The following CDK14 variants were observed in gnomAD, a reference collection of about 807,000 sequenced individuals.
CDK14 encodes cyclin dependent kinase 14.
Under a neutral mutation model 60.7 loss-of-function variants are expected in CDK14, and 34 were observed. That is an observed-to-expected ratio of 0.56 (90% CI 0.43 to 0.75). The LOEUF is 0.75. Among genes scored for constraint, CDK14 ranks in the 30% least tolerant of loss-of-function variants. The pLI, the probability that CDK14 is intolerant of heterozygous loss-of-function variation, is 0.00. For synonymous variants in CDK14, 197 were observed against 203.7 expected (o/e 0.97, Z 0.28); for missense variants, 482 against 564.1 (o/e 0.85, Z 1.47).
intron 14 of CDK14, among the ~76,000 whole-genome samples, chr7:91,170,037 T>C (rs1248204636): frequency 6.6e-6 from 1 of 152,246 alleles, no homozygotes; most frequent in Non-Finnish European, 1.5e-5. Context: ...GTCATTATCC[T>C]GTTGCCTGGT....
chr7:90,622,340 G>C (rs1477511244), intron 2 of CDK14, among the ~76,000 whole-genome samples: 1 of 152,196 alleles, frequency 6.6e-6, no homozygotes, highest in Non-Finnish European at 1.5e-5. Context: ...ATGACTGTCT[G>C]TGTGGTAATG....
chr7:90,996,491 T>G (rs1428175326), intron 10 of CDK14, among the ~76,000 whole-genome samples: 1 of 152,244 alleles, frequency 6.6e-6, no homozygotes, highest in African/African-American at 2.4e-5. Context: ...GCTGTTTGAT[T>G]AAGATTTATC....
At chr7:91,202,339 A>G (rs1296099868) in intron 14 of CDK14, among the ~76,000 whole-genome samples, 3 of 152,238 alleles carry the variant, frequency 2.0e-5, no homozygotes, top group Admixed American at 6.5e-5. Context: ...GAGAAAGAAC[A>G]TTGTAAAAGC....
intron 6 of CDK14, among the ~76,000 whole-genome samples, chr7:90,887,543 C>T (rs943598281): frequency 2.6e-5 from 4 of 152,198 alleles, no homozygotes; most frequent in East Asian, 1.9e-4. Context: ...ATACTCTATT[C>T]GTAACATAAA....
intron 8 of CDK14, among the ~76,000 whole-genome samples, chr7:90,921,606 A>G (rs1015580204): frequency 6.6e-6 from 1 of 152,236 alleles, no homozygotes; most frequent in Non-Finnish European, 1.5e-5. Context: ...TGAATAAAAA[A>G]TATACATGAC....
At chr7:90,710,201 G>T (rs1802009627) in intron 2 of CDK14, 1 of 985,292 alleles carries the variant, frequency 1.0e-6, no homozygotes, top group Non-Finnish European at 1.2e-6. Flanking sequence ...ACTGCTTGTA[G>T]TTTGTAAACA....
At position 90,668,920 on chromosome 7, in the gene CDK14, C is replaced by G. The variant is rs763383518; in HGVS notation, c.124-57647C>G. 4.6e-5 allele frequency among the ~76,000 whole-genome samples: 7 copies of G among 151,384 alleles called. No homozygotes were observed. In the Middle Eastern group the frequency reaches 0.01, roughly 221 times the overall value. ...TTTTTTTTACAATTTTTATTAGAGA[C>G]GGGGTCTCACTGTGTTGCTCACACT... On this transcript the variant is annotated intron_variant, in intron 2 of 14. Coordinates refer to ENST00000380050, the MANE Select transcript of CDK14 (RefSeq NM_001287135.2).
chr7:91,176,623 G>A (rs1801768244), intron 14 of CDK14, among the ~76,000 whole-genome samples: 1 of 151,928 alleles, frequency 6.6e-6, no homozygotes, highest in South Asian at 2.1e-4. Flanking sequence ...ATGATAAAGG[G>A]CATATCACCA....
chr7:90,635,530 A>G (rs1800121898), intron 2 of CDK14, among the ~76,000 whole-genome samples: 3 of 152,186 alleles, frequency 2.0e-5, no homozygotes, highest in Admixed American at 2.0e-4. Flanking sequence ...TGTTTTGGTT[A>G]CTGTAGCCTT....
intron 2 of CDK14, among the ~76,000 whole-genome samples, chr7:90,699,059 C>G (rs900198960): frequency 6.6e-6 from 1 of 152,210 alleles, no homozygotes; most frequent in African/African-American, 2.4e-5. Flanking sequence ...AGGGTAGCTC[C>G]CTATGGCTGT....
At chr7:90,950,315 A>T (rs1026110660) in intron 8 of CDK14, among the ~76,000 whole-genome samples, 2 of 152,080 alleles carry the variant, frequency 1.3e-5, no homozygotes, top group Admixed American at 6.6e-5. Flanking sequence ...CAGGTGACCC[A>T]CCTGCCTTGG....
rs188842665 is a variant in CDK14, at chr7:91,025,460, T to G, written c.1042-20437T>G. Among the ~76,000 whole-genome samples, 7 of 152,276 alleles carry G rather than the reference T, an allele frequency of 4.6e-5. No homozygotes were observed. In the East Asian group the frequency reaches 1.4e-3, roughly 29 times the overall value. ...AGTAATTTAGTAAAGAACAGTGAGTTTTATGACTTAAATCTCATGAAATGA... is the reference window on the plus strand; with the variant it reads ...AGTAATTTAGTAAAGAACAGTGAGTGTTATGACTTAAATCTCATGAAATGA... On this transcript the variant is annotated intron_variant, in intron 10 of 14. Coordinates refer to ENST00000380050, the MANE Select transcript of CDK14 (RefSeq NM_001287135.2).
Position 90,913,211 on chromosome 7 carries a change from T to C in CDK14, c.703-4390T>C, listed in dbSNP as rs1792963472. On this transcript the variant is annotated intron_variant, in intron 7 of 14. Coordinates refer to ENST00000380050, the MANE Select transcript of CDK14 (RefSeq NM_001287135.2). The stretch of plus-strand genomic sequence containing the variant: ...AATTTAAATTAGAAAGTTAGGGACT[T>C]GCCTATTTGTCTAGAAGAACTCGCT... Among the ~76,000 whole-genome samples the C allele has an allele frequency of 1.3e-5, 2 of 152,212 alleles. 1 individual carries two copies. Among genetic ancestry groups the C allele is most frequent in the South Asian group, 4.1e-4 (2 of 4,832 alleles).
chr7:91,127,874 A>G (rs1800000999), intron 14 of CDK14, among the ~76,000 whole-genome samples: 1 of 152,204 alleles, frequency 6.6e-6, no homozygotes, highest in Non-Finnish European at 1.5e-5. Flanking sequence ...ATTGCCTCGC[A>G]TGTATTCATA....
At chr7:90,783,679 C>T (rs562829457) in intron 4 of CDK14, among the ~76,000 whole-genome samples, 21 of 152,026 alleles carry the variant, frequency 1.4e-4, no homozygotes, top group Non-Finnish European at 2.5e-4. Context: ...TGAAAAAATG[C>T]TCAACATCAT....
chr7:90,623,072 G>A (rs941655930), intron 2 of CDK14, among the ~76,000 whole-genome samples: 3 of 149,546 alleles, frequency 2.0e-5, no homozygotes, highest in African/African-American at 7.3e-5. Flanking sequence ...TGGCTTTCTC[G>A]TATTATATAT....
intron 5 of CDK14, among the ~76,000 whole-genome samples, chr7:90,850,730 C>A (rs1362464066): frequency 1.3e-5 from 2 of 152,146 alleles, no homozygotes; most frequent in Non-Finnish European, 2.9e-5. Context: ...GGAGACCTCT[C>A]CATCAGGAGC....
At chr7:90,887,430 G>A (rs535191087) in intron 6 of CDK14, among the ~76,000 whole-genome samples, 1 of 152,230 alleles carries the variant, frequency 6.6e-6, no homozygotes, top group African/African-American at 2.4e-5. Flanking sequence ...ATCATATGTA[G>A]CAAACAGATA....
At chr7:90,637,206 A>G (rs905513153) in intron 2 of CDK14, among the ~76,000 whole-genome samples, 2 of 150,692 alleles carry the variant, frequency 1.3e-5, no homozygotes, top group African/African-American at 2.4e-5. Flanking sequence ...TTGCTTTTCT[A>G]GTTGTTTTAA....
Sources: allele counts gnomAD v4.1 joint callset (sites outside exome capture counted in the v4.1 genomes callset), GRCh38; gene constraint gnomAD v4.1.1; transcripts MANE v1.5; gene names NCBI Gene and HGNC (gene_info 2026-07-23, HGNC 2026-07-21).